The following PLEKHA2 variants were observed in gnomAD, a reference collection of about 807,000 sequenced individuals.
The protein encoded by PLEKHA2 is pleckstrin homology domain-containing family A member 2.
Under a neutral mutation model 53.2 loss-of-function variants are expected in PLEKHA2, and 28 were observed. The observed-to-expected ratio is 0.53, with a 90% confidence interval of 0.39 to 0.72. PLEKHA2 has a LOEUF of 0.72. Ranked by LOEUF, PLEKHA2 falls within the 30% of genes least tolerant of loss-of-function variation. The pLI, the probability that PLEKHA2 is intolerant of heterozygous loss-of-function variation, is 0.00. For missense variants in PLEKHA2, 426 were observed against 537.9 expected (o/e 0.79, Z 2.06); for synonymous variants, 193 against 196.4 (o/e 0.98, Z 0.14).
At chr8:38,963,366 G>A (rs1231373639) in intron 10 of PLEKHA2, among the ~76,000 whole-genome samples, 2 of 152,122 alleles carry the variant, frequency 1.3e-5, no homozygotes, top group African/African-American at 4.8e-5. Flanking sequence ...TAGTCTCATG[G>A]TAATTCATCA....
chr8:38,921,231 T>G (rs1281746478), intron 2 of PLEKHA2, among the ~76,000 whole-genome samples: 1 of 152,228 alleles, frequency 6.6e-6, no homozygotes, highest in East Asian at 1.9e-4. Context: ...CTCTCCATTC[T>G]CCTCCTTTGT....
At chr8:38,920,176 G>A (rs756170157) in intron 2 of PLEKHA2, among the ~76,000 whole-genome samples, 3 of 150,706 alleles carry the variant, frequency 2.0e-5, no homozygotes, top group Non-Finnish European at 3.0e-5. Flanking sequence ...TTTGAGACGG[G>A]GTCTCTCTCT....
At chr8:38,940,461 G>A (rs1172028973) in intron 3 of PLEKHA2, among the ~76,000 whole-genome samples, 2 of 152,060 alleles carry the variant, frequency 1.3e-5, no homozygotes, top group East Asian at 3.9e-4. Context: ...TGAGGGCTGG[G>A]ATGGCCAAAC....
At chr8:38,930,542 C>T (rs1834372598) in intron 2 of PLEKHA2, among the ~76,000 whole-genome samples, 1 of 152,186 alleles carries the variant, frequency 6.6e-6, no homozygotes, top group Admixed American at 6.5e-5. Context: ...TGCCCTGTGC[C>T]CTATGTGGTT....
chr8:38,920,344 C>T (rs1026466934), intron 2 of PLEKHA2, among the ~76,000 whole-genome samples: 30 of 151,838 alleles, frequency 2.0e-4, no homozygotes, highest in East Asian at 5.8e-4. Context: ...TTAGTAGAGA[C>T]GGGGTTTCAC....
At chr8:38,904,453 G>A (rs1398912518) in intron 1 of PLEKHA2, among the ~76,000 whole-genome samples, 2 of 152,238 alleles carry the variant, frequency 1.3e-5, no homozygotes. Flanking sequence ...TGCAGTTAAA[G>A]TGCGAAGGCT....
At chr8:38,948,542 C>T (rs1314252360) in intron 5 of PLEKHA2, among the ~76,000 whole-genome samples, 1 of 152,062 alleles carries the variant, frequency 6.6e-6, no homozygotes, top group Non-Finnish European at 1.5e-5. Flanking sequence ...AGGGAGGGGG[C>T]AGAGGACGTC....
At chr8:38,928,236 C>CTTTTTTTTTTTTTTTTTTTT (rs11414317) in intron 2 of PLEKHA2, among the ~76,000 whole-genome samples, 2 of 110,130 alleles carry the variant, frequency 1.8e-5, no homozygotes, top group African/African-American at 3.6e-5. Flanking sequence ...CTGACCTGGT[C>CTTTTTTTTTTTTTTTTTTTT]TTTTTTTTTT....
At chr8:38,950,125 T>C (rs1282111407) in intron 5 of PLEKHA2, among the ~76,000 whole-genome samples, 1 of 152,204 alleles carries the variant, frequency 6.6e-6, no homozygotes, top group Non-Finnish European at 1.5e-5. Context: ...CACTTCAGCC[T>C]CCAATTCCTG....
rs1428731391 is a variant in PLEKHA2 at position 38,971,003 on chromosome 8, T to A, written c.*1220T>A. On this transcript the variant is annotated 3_prime_UTR_variant, in exon 12 of 12. Coordinates refer to ENST00000617275, the MANE Select transcript of PLEKHA2 (RefSeq NM_021623.2). ...TATCAGCTAGATCAGTTAATTGTAT[T>A]TTTAAATTAAAAATTAGTAACTAGA... 6.6e-6 allele frequency: 1 copy of A among 152,234 alleles called. No individual in the cohort carries two copies. Among genetic ancestry groups the A allele is most frequent in the African/African-American group, 2.4e-5 (1 of 41,456 alleles). 9.4% of individuals were successfully genotyped at this position (152,234 alleles called of 1,614,324 possible). A position where few individuals can be genotyped will look rare whatever the true frequency, so the allele number is the denominator to read the frequency against.
chr8:38,941,404 A>G (rs1834610511), intron 3 of PLEKHA2, among the ~76,000 whole-genome samples: 1 of 152,236 alleles, frequency 6.6e-6, no homozygotes, highest in Non-Finnish European at 1.5e-5. Flanking sequence ...TTCATTGAAA[A>G]ATTAATGACG....
chr8:38,940,657 G>GA (rs1323796588), intron 3 of PLEKHA2, among the ~76,000 whole-genome samples: 4 of 104,480 alleles, frequency 3.8e-5, no homozygotes, highest in South Asian at 3.9e-4. Flanking sequence ...GGGCGGGGGG[G>GA]GGGGGTCAGA....
chr8:38,939,146 C>T (rs931730801), intron 3 of PLEKHA2, among the ~76,000 whole-genome samples: 2 of 152,086 alleles, frequency 1.3e-5, no homozygotes, highest in South Asian at 2.1e-4. Context: ...TCAGGTGATC[C>T]GCCTGCCTTG....
intron 2 of PLEKHA2, among the ~76,000 whole-genome samples, chr8:38,934,519 A>C (rs1412017491): frequency 6.6e-6 from 1 of 151,796 alleles, no homozygotes; most frequent in Non-Finnish European, 1.5e-5. Flanking sequence ...GGTCAGCAGG[A>C]GCTATGGACA....
Position 38,933,231 on chromosome 8 carries a change from T to G in PLEKHA2, c.142-2763T>G, listed in dbSNP as rs1418970736. On this transcript the variant is annotated intron_variant, in intron 2 of 11. Transcript: ENST00000617275. Reference sequence around the variant, plus strand: ...TTTGGCATTTGCATCTTGTAATTAGTGCTGTGGGAGGGGGATCGGGACTCC... The same window carrying G: ...TTTGGCATTTGCATCTTGTAATTAGGGCTGTGGGAGGGGGATCGGGACTCC... 4.0e-5 allele frequency among the ~76,000 whole-genome samples: 6 copies of G among 151,820 alleles called. No homozygotes were observed. The East Asian group carries it at 1.2e-3, about 29-fold the overall frequency.
chr8:38,933,310 C>G (rs930458663), intron 2 of PLEKHA2, among the ~76,000 whole-genome samples: 2 of 152,136 alleles, frequency 1.3e-5, no homozygotes, highest in South Asian at 2.1e-4. Context: ...CCCCACCACC[C>G]TATGAAACAG....
chr8:38,940,313 C>T (rs1349200469), intron 3 of PLEKHA2, among the ~76,000 whole-genome samples: 3 of 151,922 alleles, frequency 2.0e-5, no homozygotes, highest in African/African-American at 7.3e-5. Context: ...GCAGGAGAAT[C>T]GCTTGAACCT....
chr8:38,924,224 G>GGCGTT (rs1834243630), intron 2 of PLEKHA2, among the ~76,000 whole-genome samples: 1 of 152,122 alleles, frequency 6.6e-6, no homozygotes, highest in African/African-American at 2.4e-5. Flanking sequence ...GGAGGAGAAG[G>GGCGTT]GCGTTCTGAG....
intron 6 of PLEKHA2, among the ~76,000 whole-genome samples, chr8:38,951,226 T>A (rs1834832494): frequency 6.6e-6 from 1 of 152,124 alleles, no homozygotes; most frequent in South Asian, 2.1e-4. Flanking sequence ...CCTGTGCAGT[T>A]CTGTGCCGAA....
Sources: allele counts gnomAD v4.1 joint callset (sites outside exome capture counted in the v4.1 genomes callset), GRCh38; gene constraint gnomAD v4.1.1; transcripts MANE v1.5; gene names NCBI Gene and HGNC (gene_info 2026-07-23, HGNC 2026-07-21).